The following FGF22 variants were observed in gnomAD, a reference collection of about 807,000 sequenced individuals.
The protein encoded by FGF22 is fibroblast growth factor 22.
A neutral mutation model predicts 10.3 loss-of-function variants in FGF22; 11 were observed. That is an observed-to-expected ratio of 1.07 (90% CI 0.67 to 1.77). FGF22 has a LOEUF of 1.77. Ranked by LOEUF, FGF22 falls within the 40% of genes most tolerant of loss-of-function variation. The pLI is 0.00. For missense variants in FGF22, 317 were observed against 273.2 expected (o/e 1.16, Z -1.13); for synonymous variants, 136 against 122.1 (o/e 1.11, Z -0.75).
intron 1 of FGF22, among the ~76,000 whole-genome samples, chr19:642,227 G>GTT (rs1323733850): frequency 1.9e-5 from 1 of 51,338 alleles, no homozygotes; most frequent in South Asian, 5.5e-4. Context: ...CGGGCTGGGG[G>GTT]CTCCATATGG....
exon 2 of FGF22, chr19:643,323 C>A: frequency 1.2e-6 from 2 of 1,610,696 alleles, no homozygotes; most frequent in Non-Finnish European, 8.5e-7. Flanking sequence ...ACCGCCGGGG[C>A]CGCCTCTACG....
At chr19:642,439 T>C (rs113893320) in intron 1 of FGF22, among the ~76,000 whole-genome samples, 1 of 108,482 alleles carries the variant, frequency 9.2e-6, no homozygotes, top group African/African-American at 3.9e-5. Context: ...CTGGGGGGTC[T>C]CTGGGGTGGT....
At chr19:643,084 C>G (rs11572884) in intron 1 of FGF22, 151 bp from the exon 2 acceptor site, 6,754 of 655,692 alleles carry the variant, frequency 0.01, 99 homozygotes, top group African/African-American at 0.045. Context: ...CTGGGGGATC[C>G]TGAGTGTCCG....
In FGF22 at chr19:640,016, C is replaced by A. The variant is rs1020054868; in HGVS notation, c.91C>A (p.Arg31Ser). Reference sequence around the variant, plus strand: ...AACCCCGAGCGCGTCGCGGGGACCGCGCAGCTACCCGCACCTGGAGGGCGA... The same window carrying A: ...AACCCCGAGCGCGTCGCGGGGACCGAGCAGCTACCCGCACCTGGAGGGCGA... Residue 31 changes from arginine to serine, a missense_variant, in exon 1 of 3, where the codon CGC becomes AGC. Arg to Ser is a moderately radical substitution (Grantham distance 110). Coordinates refer to ENST00000215530, the Ensembl canonical transcript of FGF22. The A allele has an allele frequency of 5.9e-6, 8 of 1,349,798 alleles. No homozygotes were observed. The highest frequency in any genetic ancestry group is 6.7e-6 in the Non-Finnish European group (7 of 1,052,142). The allele number at this position is 1,349,798 out of a possible 1,614,324, so 83.6% of individuals were successfully genotyped here. A position where few individuals can be genotyped will look rare whatever the true frequency, so the allele number is the denominator to read the frequency against.
chr19:643,292 C>T (rs143583963), exon 2 of FGF22: 25 of 1,611,440 alleles, frequency 1.6e-5, no homozygotes, highest in African/African-American at 4.0e-5. Context: ...GCAGTGTCCT[C>T]AGGCTTCTAC....
exon 3 of FGF22, chr19:643,633 G>A: frequency 6.8e-7 from 1 of 1,475,286 alleles, no homozygotes; most frequent in Non-Finnish European, 8.9e-7. Context: ...GCTCCCCAAG[G>A]TGCCTGGGCT....
chr19:643,273 G>A, exon 2 of FGF22: 3 of 1,611,776 alleles, frequency 1.9e-6, no homozygotes, highest in East Asian at 2.2e-5. Flanking sequence ...GGGCGTCGTG[G>A]TCATCAAAGC....
At position 640,143 on chromosome 19, in the gene FGF22, A is replaced by T; in HGVS notation, c.214+4A>T. On this transcript the variant is annotated splice_donor_region_variant and intron_variant, in intron 1 of 2. Coordinates refer to ENST00000215530, the Ensembl canonical transcript of FGF22. Reference sequence around the variant, plus strand: ...CGCTGGCGCCACGGCCAGGACAGTGAGTGCGGGGCGGCGGGGGCCTGGGGT... The same window carrying T: ...CGCTGGCGCCACGGCCAGGACAGTGTGTGCGGGGCGGCGGGGGCCTGGGGT... 1 of 1,268,068 alleles carries T rather than the reference A, an allele frequency of 7.9e-7. No individual in the cohort carries two copies. Among genetic ancestry groups the T allele is most frequent in the African/African-American group, 1.6e-5 (1 of 63,210 alleles). The allele number at this position is 1,268,068 out of a possible 1,614,324, so 78.6% of individuals were successfully genotyped here.
chr19:639,932 C>G, exon 1 of FGF22: 1 of 1,225,890 alleles, frequency 8.2e-7, no homozygotes, highest in Non-Finnish European at 1.0e-6. Context: ...GGTCATGCGC[C>G]GCCGCCTGTG....
chr19:643,747 AG>A (rs1227353227), exon 3 of FGF22: 50 of 713,490 alleles, frequency 7.0e-5, no homozygotes, highest in African/African-American at 3.6e-5. Flanking sequence ...GGAGCCCTCC[AG>A]GGGGGTCCCA....
intron 1 of FGF22, chr19:640,373 T>G (rs1281729063): frequency 5.5e-6 from 2 of 361,448 alleles, no homozygotes; most frequent in East Asian, 8.1e-5. Context: ...AGCGTCCGTG[T>G]GGTACAACCC....
exon 1 of FGF22, chr19:639,894 C>T: frequency 8.4e-7 from 1 of 1,190,098 alleles, no homozygotes; most frequent in Non-Finnish European, 1.0e-6. Flanking sequence ...CGCCCGGGAG[C>T]GACGAGCGCG....
At chr19:644,122 T>G in exon 3 of FGF22, 1 of 163,820 alleles carries the variant, frequency 6.1e-6, no homozygotes, top group Non-Finnish European at 1.3e-5. Context: ...CCTCACAGGG[T>G]CCTCACGACA....
exon 3 of FGF22, chr19:644,027 TACA>T (rs892685735): frequency 9.4e-6 from 2 of 213,384 alleles, no homozygotes; most frequent in African/African-American, 4.7e-5. Context: ...AATCTGCAAA[TACA>T]ACGCCTTGCG....
At chr19:640,351 C>T in intron 1 of FGF22, 1 of 377,408 alleles carries the variant, frequency 2.6e-6, no homozygotes, top group East Asian at 3.9e-5. Context: ...GGACCCGGCT[C>T]AGGGGCAGAG....
chr19:643,070 G>A (rs1425110462), intron 1 of FGF22, among the ~76,000 whole-genome samples, 165 bp from the exon 2 acceptor site: 2 of 152,110 alleles, frequency 1.3e-5, no homozygotes, highest in African/African-American at 4.8e-5. Context: ...TGTCAGTCAC[G>A]GCTCTGGGGG....
At chr19:642,963 C>A (rs949320860) in intron 1 of FGF22, among the ~76,000 whole-genome samples, 13 of 152,016 alleles carry the variant, frequency 8.6e-5, no homozygotes, top group Non-Finnish European at 1.9e-4. Context: ...GGGTCCTCAT[C>A]GATCTCTGCA....
At chr19:643,667 T>A (rs1262660859) in exon 3 of FGF22, 1 of 1,327,576 alleles carries the variant, frequency 7.5e-7, no homozygotes. Flanking sequence ...CCGGCCACGC[T>A]TGTTCTTCCC....
chr19:640,198 C>A, intron 1 of FGF22, 59 bp downstream of exon 1: 1 of 1,157,584 alleles, frequency 8.6e-7, no homozygotes, highest in Non-Finnish European at 1.1e-6. Flanking sequence ...GCAACGCGGC[C>A]GCCGTCTTCA....
Sources: gnomAD v4.1 joint callset for allele counts (sites outside exome capture counted in the v4.1 genomes callset) on GRCh38, gnomAD v4.1.1 for gene constraint, MANE v1.5 for transcripts, NCBI Gene and HGNC (gene_info 2026-07-23, HGNC 2026-07-21) for gene names.